GTF2E1: variants seen among roughly 807,000 people sequenced by gnomAD.
GTF2E1 encodes the protein TFIIE alpha subunit.
In GTF2E1, 14 loss-of-function variants were observed where a neutral mutation model predicts 34.9. The observed-to-expected ratio is 0.40, with a 90% CI of 0.27 to 0.63. The LOEUF (loss-of-function observed/expected upper bound fraction) is 0.63. Ranked by LOEUF, GTF2E1 falls within the 20% of genes least tolerant of loss-of-function variation. The probability of loss-of-function intolerance (pLI) is 0.39; values close to 1 mark genes in which losing one functional copy is unlikely to be tolerated. For synonymous variants in GTF2E1, 188 were observed against 192.9 expected, an observed-to-expected ratio of 0.97 and a Z score of 0.21; for missense variants, 469 against 557.7, an observed-to-expected ratio of 0.84 and a Z score of 1.60.
chr3:120,751,151 C>A, intron 2 of GTF2E1, 151 bp downstream of exon 2: 1 of 576,924 alleles, frequency 1.7e-6, no homozygotes, highest in Non-Finnish European at 3.0e-6. Context: ...TCTTACTGTC[C>A]TGTTTGGCTG....
At chr3:120,768,675 C>T (rs1187044019) in intron 2 of GTF2E1, among the ~76,000 whole-genome samples, 1 of 152,120 alleles carries the variant, frequency 6.6e-6, no homozygotes, top group Non-Finnish European at 1.5e-5. Context: ...TTTAATTCAG[C>T]AGGTATTCGA....
In GTF2E1 at chr3:120,782,477, A is replaced by G. The variant is rs997672124; in HGVS notation, c.*1007A>G. 6.6e-6 allele frequency: 1 copy of G among 152,262 alleles called. No homozygotes were observed. The highest frequency in any genetic ancestry group is 1.5e-5 in the Non-Finnish European group (1 of 68,052). The allele number at this position is 152,262 out of a possible 1,614,324, so 9.4% of individuals were successfully genotyped here. A position where few individuals can be genotyped will look rare whatever the true frequency, so the allele number is the denominator to read the frequency against. ...ACCCTTAGGAAGAAATTAGAAAAACATGGACGTAAGACAAGAAGTCTCTGT... is the reference window on the plus strand; with the variant it reads ...ACCCTTAGGAAGAAATTAGAAAAACGTGGACGTAAGACAAGAAGTCTCTGT... On this transcript the variant is annotated 3_prime_UTR_variant, in exon 5 of 5. Coordinates refer to ENST00000283875, the MANE Select transcript of GTF2E1 (RefSeq NM_005513.3).
chr3:120,766,565 TC>T (rs927043703), intron 2 of GTF2E1, among the ~76,000 whole-genome samples: 2 of 152,080 alleles, frequency 1.3e-5, no homozygotes, highest in Admixed American at 1.3e-4. Context: ...ATCTAGAATG[TC>T]CTGTTCCCTT....
intron 2 of GTF2E1, among the ~76,000 whole-genome samples, chr3:120,754,723 C>T (rs17243218): frequency 0.23 from 34,742 of 151,700 alleles, 4,702 homozygotes; most frequent in Non-Finnish European, 0.3. Context: ...ATTCGGGAGC[C>T]CCTTTTACTG....
In GTF2E1 at chr3:120,776,240, C is replaced by T. The variant is rs527924050; in HGVS notation, c.651-183C>T. Among the ~76,000 whole-genome samples, 24 of 152,236 alleles carry T rather than the reference C, an allele frequency of 1.6e-4. No individual in the cohort carries two copies. In the South Asian group the frequency reaches 4.8e-3, roughly 30 times the overall value. On this transcript the variant is annotated intron_variant, in intron 3 of 4. Coordinates refer to ENST00000283875, the MANE Select transcript of GTF2E1 (RefSeq NM_005513.3). ...ATATAAATATGATGTGTTTTTCTAA[C>T]GCATACAACTTTTACCCTGAGGTAT...
At chr3:120,760,737 G>C (rs1709252968) in intron 2 of GTF2E1, among the ~76,000 whole-genome samples, 2 of 152,064 alleles carry the variant, frequency 1.3e-5, no homozygotes, top group African/African-American at 4.8e-5. Flanking sequence ...TTATTGATTT[G>C]CATATGTTGA....
At position 120,750,549 on chromosome 3, in the gene GTF2E1, A is replaced by G. The variant is rs774377011; in HGVS notation, c.-4A>G. Reference sequence around the variant, plus strand: ...ATATTTAAAGTTGGAGTTCGTTGCTAAAGATGGCAGACCCAGATGTCCTCA... The same window carrying G: ...ATATTTAAAGTTGGAGTTCGTTGCTGAAGATGGCAGACCCAGATGTCCTCA... On this transcript the variant is annotated 5_prime_UTR_variant, in exon 2 of 5. Transcript: ENST00000283875. 32 of 1,601,732 alleles carry G rather than the reference A, an allele frequency of 2.0e-5. No individual in the cohort carries two copies. The East Asian group carries it at 6.3e-4, about 31-fold the overall frequency.
intron 2 of GTF2E1, among the ~76,000 whole-genome samples, chr3:120,751,837 T>C (rs547495228): frequency 5.9e-5 from 9 of 152,134 alleles, no homozygotes; most frequent in Non-Finnish European, 1.3e-4. Context: ...AGTCCCTTTG[T>C]TATGGTTGAA....
chr3:120,767,189 GTC>G (rs1193314310), intron 2 of GTF2E1, among the ~76,000 whole-genome samples: 1 of 152,018 alleles, frequency 6.6e-6, no homozygotes, highest in Non-Finnish European at 1.5e-5. Flanking sequence ...TTCTCCATGG[GTC>G]TCTCACATGT....
intron 2 of GTF2E1, among the ~76,000 whole-genome samples, chr3:120,757,063 A>G (rs1709215950): frequency 6.6e-6 from 1 of 152,186 alleles, no homozygotes; most frequent in Non-Finnish European, 1.5e-5. Context: ...TTGATACAAT[A>G]TTCTATTCTT....
At chr3:120,765,027 C>G (rs970042957) in intron 2 of GTF2E1, among the ~76,000 whole-genome samples, 2 of 151,130 alleles carry the variant, frequency 1.3e-5, no homozygotes, top group African/African-American at 4.9e-5. Flanking sequence ...ATCCCTTCCC[C>G]CCACCCTCCC....
intron 1 of GTF2E1, among the ~76,000 whole-genome samples, chr3:120,747,696 C>T (rs948241926): frequency 1.6e-4 from 25 of 152,232 alleles, no homozygotes; most frequent in African/African-American, 4.1e-4. Context: ...TGAGTAGTCC[C>T]GCAGTAAACA....
At chr3:120,774,212 A>G (rs1427429109) in intron 3 of GTF2E1, among the ~76,000 whole-genome samples, 4 of 152,160 alleles carry the variant, frequency 2.6e-5, no homozygotes, top group Admixed American at 1.3e-4. Flanking sequence ...GGGGTGGCAG[A>G]TATATAGAGC....
At chr3:120,745,834 G>T (rs1709100425) in intron 1 of GTF2E1, among the ~76,000 whole-genome samples, 1 of 152,158 alleles carries the variant, frequency 6.6e-6, no homozygotes, top group South Asian at 2.1e-4. Context: ...GGAGAGAAAA[G>T]TGTGTCCAGT....
chr3:120,758,427 T>A (rs1167704639), intron 2 of GTF2E1, among the ~76,000 whole-genome samples: 1 of 152,172 alleles, frequency 6.6e-6, no homozygotes, highest in Non-Finnish European at 1.5e-5. Flanking sequence ...TTAAATTTTA[T>A]TTTTTTATTA....
chr3:120,759,622 G>A (rs1175952208), intron 2 of GTF2E1, among the ~76,000 whole-genome samples: 1 of 152,190 alleles, frequency 6.6e-6, no homozygotes, highest in Non-Finnish European at 1.5e-5. Flanking sequence ...TGTATAAGGT[G>A]TAAGGAAGGG....
At chr3:120,761,051 G>T (rs957336671) in intron 2 of GTF2E1, among the ~76,000 whole-genome samples, 9 of 152,114 alleles carry the variant, frequency 5.9e-5, no homozygotes, top group Admixed American at 3.9e-4. Context: ...TCTGGTCCTG[G>T]ACTTTTTTTG....
chr3:120,751,083 C>G, intron 2 of GTF2E1, 83 bp downstream of exon 2: 2 of 787,682 alleles, frequency 2.5e-6, no homozygotes, highest in Non-Finnish European at 4.0e-6. Flanking sequence ...ATTTTTAAAC[C>G]ATCATATATA....
intron 2 of GTF2E1, among the ~76,000 whole-genome samples, chr3:120,766,051 C>T: frequency 6.6e-6 from 1 of 152,138 alleles, no homozygotes; most frequent in Non-Finnish European, 1.5e-5. Flanking sequence ...GTAGTATAGT[C>T]TATGTACACT....
Sources: gnomAD v4.1 joint callset for allele counts (sites outside exome capture counted in the v4.1 genomes callset) on GRCh38, gnomAD v4.1.1 for gene constraint, MANE v1.5 for transcripts, NCBI Gene and HGNC (gene_info 2026-07-23, HGNC 2026-07-21) for gene names.